JAK1: variants seen among roughly 807,000 people sequenced by gnomAD.
JAK1 encodes the protein Janus kinase 1, also known as tyrosine-protein kinase JAK1.
In JAK1, 16 loss-of-function variants were observed where a neutral mutation model predicts 136.6. The ratio of observed to expected loss-of-function variants is 0.12; its 90% CI spans 0.08 to 0.18. The LOEUF is 0.18. JAK1 is among the 10% of genes least tolerant of loss of function. JAK1 has a pLI of 1.00. For synonymous variants in JAK1, 492 were observed against 519.5 expected, an observed-to-expected ratio of 0.95 and a Z score of 0.72; for missense variants, 859 against 1,450.1, an observed-to-expected ratio of 0.59 and a Z score of 6.62.
intron 1 of JAK1, chr1:65,057,912 C>T (rs935926662): frequency 3.3e-5 from 5 of 153,198 alleles, no homozygotes; most frequent in African/African-American, 1.2e-4. Flanking sequence ...TGACATGTCA[C>T]TATCTACTCC....
intron 20 of JAK1, among the ~76,000 whole-genome samples, chr1:64,838,891 A>G (rs1654669125): frequency 6.6e-6 from 1 of 152,060 alleles, no homozygotes; most frequent in African/African-American, 2.4e-5. Context: ...CACGCTTGTA[A>G]TCCCAGCACT....
intron 1 of JAK1, chr1:65,058,308 C>T (rs1380076810): frequency 5.0e-5 from 24 of 475,820 alleles, no homozygotes; most frequent in Admixed American, 1.2e-4. Context: ...CCCTATGCCC[C>T]GGGAGAAGTA....
intron 1 of JAK1, among the ~76,000 whole-genome samples, chr1:64,889,042 G>A (rs1388878949): frequency 2.6e-5 from 4 of 152,156 alleles, no homozygotes; most frequent in African/African-American, 4.8e-5. Flanking sequence ...GTTTTTTTGT[G>A]TGTGTGCTAC....
At chr1:65,054,056 A>G (rs1288021907) in intron 1 of JAK1, among the ~76,000 whole-genome samples, 1 of 152,220 alleles carries the variant, frequency 6.6e-6, no homozygotes, top group Non-Finnish European at 1.5e-5. Flanking sequence ...TTTAGTTTTA[A>G]AAGCATGACC....
intron 2 of JAK1, among the ~76,000 whole-genome samples, chr1:65,041,422 C>T (rs553158930): frequency 2.0e-5 from 3 of 152,238 alleles, no homozygotes; most frequent in East Asian, 1.9e-4. Flanking sequence ...GCCAGTACCC[C>T]GTAAGCACTG....
At chr1:65,042,952 A>C (rs946863829) in intron 2 of JAK1, among the ~76,000 whole-genome samples, 2 of 152,198 alleles carry the variant, frequency 1.3e-5, no homozygotes, top group Admixed American at 6.5e-5. Flanking sequence ...AACCACAGAG[A>C]GGAAAACACC....
At chr1:64,839,015 G>A (rs572722795) in intron 20 of JAK1, among the ~76,000 whole-genome samples, 47 of 150,818 alleles carry the variant, frequency 3.1e-4, no homozygotes, top group South Asian at 8.5e-4. Context: ...GCGTGATGGC[G>A]GGCGCCTGTA....
At chr1:64,974,768 A>G (rs1357583706) in intron 2 of JAK1, 1 of 152,290 alleles carries the variant, frequency 6.6e-6, no homozygotes, top group Non-Finnish European at 1.5e-5. Context: ...GTCAAAGACT[A>G]TATAGCACAG....
chr1:65,003,039 A>C (rs1239749004), intron 2 of JAK1, among the ~76,000 whole-genome samples: 1 of 148,578 alleles, frequency 6.7e-6, no homozygotes, highest in Non-Finnish European at 1.5e-5. Flanking sequence ...TTTTTTAAGA[A>C]AAGCATTGGC....
Position 64,996,738 on chromosome 1 carries a change from A to T in JAK1, c.-78+47742T>A, listed in dbSNP as rs369846783. 2.0e-4 allele frequency among the ~76,000 whole-genome samples: 30 copies of T among 152,346 alleles called. 5 individuals are homozygous for T. Among genetic ancestry groups the T allele is most frequent in the Admixed American group, 3.3e-4 (5 of 15,304 alleles). ...TTTGCCAACACTTAAAAATTGCTGA[A>T]TTCACATAAAAATCAGGCTACACTT... On this transcript the variant is annotated intron_variant, in intron 2 of 25. Transcript: ENST00000671954.
intron 1 of JAK1, among the ~76,000 whole-genome samples, chr1:64,896,536 T>C (rs1645015839): frequency 1.3e-5 from 2 of 152,216 alleles, no homozygotes. Context: ...GGGCTAAATA[T>C]AACTAGGAGA....
At chr1:64,855,334 C>T (rs1655858194) in intron 11 of JAK1, among the ~76,000 whole-genome samples, 175 bp downstream of exon 11, 1 of 152,204 alleles carries the variant, frequency 6.6e-6, no homozygotes, top group South Asian at 2.1e-4. Flanking sequence ...AAAATGCTCA[C>T]ACTCAAGGGA....
intron 9 of JAK1, 113 bp from the exon 10 acceptor site, chr1:64,857,892 T>C: frequency 7.7e-7 from 1 of 1,292,398 alleles, no homozygotes. Context: ...CATCACACTA[T>C]CTGCCCTGCC....
At chr1:64,987,793 A>C (rs1646613887) in intron 2 of JAK1, 2 of 152,242 alleles carry the variant, frequency 1.3e-5, no homozygotes, top group African/African-American at 4.8e-5. Context: ...ACAATGATGC[A>C]AGACCTAAAG....
chr1:65,020,004 TC>T (rs1174560289), intron 2 of JAK1, among the ~76,000 whole-genome samples: 4 of 151,884 alleles, frequency 2.6e-5, no homozygotes, highest in African/African-American at 4.8e-5. Flanking sequence ...GGTGGGCAGA[TC>T]ATCTGAGGTC....
upstream of JAK1, among the ~76,000 whole-genome samples, chr1:64,968,281 A>G (rs1006976125): frequency 3.3e-5 from 5 of 151,992 alleles, no homozygotes; most frequent in African/African-American, 1.2e-4. Context: ...GTGCTAGGTG[A>G]TGAAGATTCA....
chr1:64,845,375 G>A, intron 15 of JAK1, 138 bp downstream of exon 15: 1 of 964,944 alleles, frequency 1.0e-6, no homozygotes, highest in Non-Finnish European at 1.6e-6. Flanking sequence ...GCACACCTTT[G>A]TTCAACCACA....
chr1:65,066,701 ACCG>A, intron 1 of JAK1: 2 of 151,504 alleles, frequency 1.3e-5, no homozygotes, highest in East Asian at 2.0e-4. Flanking sequence ...CTCTCTCCGG[ACCG>A]CCGCCGCCGC....
intron 1 of JAK1, among the ~76,000 whole-genome samples, chr1:64,902,583 A>AGAGTGTGTGTGTGTGTGTGTGT: frequency 1.4e-5 from 1 of 73,758 alleles, no homozygotes; most frequent in African/African-American, 6.2e-5. Context: ...AGAGAGAGAG[A>AGAGTGTGTGTGTGTGTGTGTGT]GTGTGTGTGT....
Sources: allele counts gnomAD v4.1 joint callset (sites outside exome capture counted in the v4.1 genomes callset), GRCh38; gene constraint gnomAD v4.1.1; transcripts MANE v1.5; gene names NCBI Gene and HGNC (gene_info 2026-07-23, HGNC 2026-07-21).